Variants in KIF1B observed in about 807,000 individuals in gnomAD.
KIF1B encodes kinesin family member 1B.
A neutral mutation model predicts 241.9 loss-of-function variants in KIF1B; 76 were observed. That is an observed-to-expected ratio of 0.31 (90% CI 0.26 to 0.38). KIF1B has a LOEUF of 0.38. Ranked by LOEUF, KIF1B falls within the 10% of genes least tolerant of loss-of-function variation. The pLI is 1.00. For missense variants in KIF1B, 1,622 were observed against 2,271.4 expected (o/e 0.71, Z 5.81); for synonymous variants, 750 against 796.7 (o/e 0.94, Z 0.99).
intron 1 of KIF1B, among the ~76,000 whole-genome samples, chr1:10,221,797 TAACA>T (rs1302509308): frequency 6.6e-6 from 1 of 152,196 alleles, no homozygotes; most frequent in Non-Finnish European, 1.5e-5. Context: ...TGTTTTTGTA[TAACA>T]AACTGTGCTA....
intron 38 of KIF1B, among the ~76,000 whole-genome samples, chr1:10,353,735 G>C (rs750234293): frequency 3.3e-5 from 5 of 152,178 alleles, no homozygotes; most frequent in Non-Finnish European, 7.3e-5. Flanking sequence ...AGAGAAAAAA[G>C]AAACAAACTT....
rs563021175 is a variant in KIF1B, at chr1:10,262,802, T to A, written c.429+832T>A. ...TTGTGGGAACTCTTCTCCTTTAATATTGTTAATAATGGTTTTTGACAGGCA... is the reference window on the plus strand; with the variant it reads ...TTGTGGGAACTCTTCTCCTTTAATAATGTTAATAATGGTTTTTGACAGGCA... On this transcript the variant is annotated intron_variant, in intron 5 of 48. Coordinates refer to ENST00000676179, the MANE Select transcript of KIF1B (RefSeq NM_001365951.3). 1.1e-4 allele frequency among the ~76,000 whole-genome samples: 17 copies of A among 152,320 alleles called. 3 individuals carry two copies. The South Asian group carries it at 3.5e-3, about 32-fold the overall frequency.
chr1:10,214,774 G>T (rs1376054969), intron 1 of KIF1B, among the ~76,000 whole-genome samples: 2 of 151,386 alleles, frequency 1.3e-5, no homozygotes, highest in Admixed American at 1.3e-4. Flanking sequence ...GTAGAGACGG[G>T]GTTTCACCGT....
intron 22 of KIF1B, among the ~76,000 whole-genome samples, chr1:10,317,830 C>CAAA (rs33956409): frequency 3.4e-5 from 5 of 145,182 alleles, no homozygotes; most frequent in Non-Finnish European, 3.0e-5. Flanking sequence ...GACTCCACCT[C>CAAA]AAAAAAAAAA....
At chr1:10,308,223 G>T in intron 22 of KIF1B, 1 of 1,061,594 alleles carries the variant, frequency 9.4e-7, no homozygotes, top group Non-Finnish European at 1.1e-6. Context: ...CCTTAATGAA[G>T]GGGCCGTCTT....
chr1:10,374,917 A>G lies in KIF1B; in HGVS notation c.5160A>G (p.Lys1720=). ...AGCCTCTTTACAGTAACTGGGCTAA[A>G]CATTTTGTTGTCGTCCGTCGGCCTT... ...FKEPLYSNWA[K]HFVVVRRPYV... The change falls in exon 47 of 49, where the codon AAA becomes AAG. Residue 1720 remains lysine, a synonymous_variant. Transcript: ENST00000676179. The surrounding 1 kb of genome is among the most constrained non-coding windows in gnomAD (Gnocchi z 4.3). 1 of 1,614,158 alleles carries G rather than the reference A, an allele frequency of 6.2e-7. No individual in the cohort carries two copies. The highest frequency in any genetic ancestry group is 8.5e-7 in the Non-Finnish European group (1 of 1,180,038).
intron 13 of KIF1B, chr1:10,278,599 C>T (rs72865961): frequency 0.048 from 9,329 of 194,554 alleles, 361 homozygotes; most frequent in African/African-American, 0.11. Flanking sequence ...ATGGCCCCCT[C>T]CTCCTGTAAA....
intron 44 of KIF1B, among the ~76,000 whole-genome samples, 161 bp downstream of exon 44, chr1:10,368,699 A>G (rs879370975): frequency 2.8e-4 from 42 of 152,168 alleles, no homozygotes; most frequent in Admixed American, 2.0e-4. Flanking sequence ...TATTCATTCT[A>G]ATTTTTCAGA....
Position 10,303,911 on chromosome 1 carries a change from A to C in KIF1B, c.2115+6665A>C. 6.2e-7 allele frequency: 1 copy of C among 1,614,198 alleles called. No homozygotes were observed. Among genetic ancestry groups the C allele is most frequent in the Non-Finnish European group, 8.5e-7 (1 of 1,180,030 alleles). ...GAAGAACGTGTTTCCCAGCTGATGAATGGGGATCCAGCTTTTAGACGTGGA... is the reference window on the plus strand; with the variant it reads ...GAAGAACGTGTTTCCCAGCTGATGACTGGGGATCCAGCTTTTAGACGTGGA... On this transcript the variant is annotated intron_variant, in intron 22 of 48. Coordinates refer to ENST00000676179, the MANE Select transcript of KIF1B (RefSeq NM_001365951.3). The surrounding 1 kb of genome is among the most constrained non-coding windows in gnomAD (Gnocchi z 5.2).
chr1:10,303,751 A>G lies in KIF1B; in HGVS notation c.2115+6505A>G. 1.2e-6 allele frequency: 2 copies of G among 1,614,212 alleles called. No homozygotes were observed. The highest frequency in any genetic ancestry group is 1.7e-6 in the Non-Finnish European group (2 of 1,180,022). On this transcript the variant is annotated intron_variant, in intron 22 of 48. Coordinates refer to ENST00000676179, the MANE Select transcript of KIF1B (RefSeq NM_001365951.3). This position sits in a 1 kb window ranked among gnomAD's most constrained non-coding sequence, Gnocchi z 5.2. ...AAGAAATAAAATGCTCAAAATGGAAAAAGTCTTGCCACTGATCGGATCTCA... is the reference window on the plus strand; with the variant it reads ...AAGAAATAAAATGCTCAAAATGGAAGAAGTCTTGCCACTGATCGGATCTCA...
At chr1:10,240,339 G>A (rs1387209336) in intron 2 of KIF1B, among the ~76,000 whole-genome samples, 1 of 152,126 alleles carries the variant, frequency 6.6e-6, no homozygotes, top group Non-Finnish European at 1.5e-5. Flanking sequence ...CTCCCAAGTA[G>A]CTGGGACTAC....
chr1:10,380,921 C>T lies in KIF1B; in HGVS notation c.*4334C>T, dbSNP rs966264731. On this transcript the variant is annotated 3_prime_UTR_variant, in exon 49 of 49. Coordinates refer to ENST00000676179, the MANE Select transcript of KIF1B (RefSeq NM_001365951.3). ...TGAGAGATTATTTGCTGCTGTTATT[C>T]AAAAGGCCATTTATGAAGTTAGTAT... is the stretch of plus-strand genomic sequence containing the variant. The T allele has an allele frequency of 1.4e-5, 3 of 218,654 alleles. No individual in the cohort carries two copies. Among genetic ancestry groups the T allele is most frequent in the Non-Finnish European group, 2.8e-5 (3 of 108,778 alleles). The allele number at this position is 218,654 out of a possible 1,614,324, so 13.5% of individuals were successfully genotyped here.
At chr1:10,284,939 C>T (rs189452301) in intron 15 of KIF1B, among the ~76,000 whole-genome samples, 138 of 152,218 alleles carry the variant, frequency 9.1e-4, no homozygotes, top group Non-Finnish European at 1.4e-3. Flanking sequence ...TGAAGTTCTG[C>T]AACACCTAGC....
chr1:10,287,759 G>A (rs1649786911), intron 15 of KIF1B, among the ~76,000 whole-genome samples: 2 of 152,194 alleles, frequency 1.3e-5, no homozygotes. Context: ...CTTTCTTAGA[G>A]TGAGTTCTAC....
intron 26 of KIF1B, among the ~76,000 whole-genome samples, chr1:10,325,397 G>GT (rs1438496345): frequency 6.6e-6 from 1 of 151,882 alleles, no homozygotes; most frequent in Non-Finnish European, 1.5e-5. Flanking sequence ...AAAACACATA[G>GT]TGCCTCTATG....
In KIF1B at chr1:10,376,802, A is replaced by C. The variant is rs1638902132; in HGVS notation, c.*215A>C. On this transcript the variant is annotated 3_prime_UTR_variant, in exon 49 of 49. Transcript: ENST00000676179. ...TTGTGCTGAGAATCTCGTTAGTAGC[A>C]TGTGGCCTAACAAAAGGAAAAAATG... 5.5e-6 allele frequency: 3 copies of C among 549,582 alleles called. No individual in the cohort carries two copies. The highest frequency in any genetic ancestry group is 5.5e-5 in the Admixed American group (2 of 36,134). The allele number at this position is 549,582 out of a possible 1,614,324, so 34.0% of individuals were successfully genotyped here.
chr1:10,355,392 C>T (rs1652941176), intron 38 of KIF1B: 3 of 152,426 alleles, frequency 2.0e-5, no homozygotes, highest in Admixed American at 2.0e-4. Context: ...TAAGGATATT[C>T]CTAGGTATTG....
chr1:10,261,392 T>C (rs1292757295), intron 4 of KIF1B, among the ~76,000 whole-genome samples: 1 of 151,614 alleles, frequency 6.6e-6, no homozygotes, highest in Admixed American at 6.6e-5. Context: ...TGCCTCAGCC[T>C]CCAGAATAGC....
chr1:10,223,546 GTTT>G (rs113574017), intron 1 of KIF1B, among the ~76,000 whole-genome samples: 2 of 131,296 alleles, frequency 1.5e-5, no homozygotes, highest in South Asian at 4.9e-4. Context: ...GTTTTGTTTT[GTTT>G]TTTTTTTTTT....
Sources: allele counts gnomAD v4.1 joint callset (sites outside exome capture counted in the v4.1 genomes callset), GRCh38; gene constraint gnomAD v4.1.1; non-coding constraint Gnocchi (gnomAD v3.1); transcripts MANE v1.5; gene names NCBI Gene and HGNC (gene_info 2026-07-23, HGNC 2026-07-21).